Variants in BMPR2 observed in about 807,000 individuals in gnomAD.
BMPR2 encodes the protein bone morphogenetic protein receptor type-2.
In BMPR2, 29 loss-of-function variants were observed where a neutral mutation model predicts 100.8. That is an observed-to-expected ratio of 0.29 (90% CI 0.21 to 0.39). The LOEUF (loss-of-function observed/expected upper bound fraction) is 0.39, where lower values mean the gene tolerates loss of function less well. BMPR2 is among the 10% of genes least tolerant of loss of function. BMPR2 has a pLI of 1.00. For missense variants in BMPR2, 1,011 were observed against 1,274.5 expected (o/e 0.79, Z 3.15); for synonymous variants, 382 against 442.3 (o/e 0.86, Z 1.71).
At chr2:202,515,128 A>G (rs558540275) in intron 5 of BMPR2, 149 bp downstream of exon 5, 20 of 757,606 alleles carry the variant, frequency 2.6e-5, no homozygotes, top group Non-Finnish European at 3.7e-5. Context: ...TCTAGGCACT[A>G]GGAACATAGG....
intron 3 of BMPR2, among the ~76,000 whole-genome samples, chr2:202,487,745 TGA>T (rs908725585): frequency 7.9e-5 from 12 of 152,344 alleles, no homozygotes; most frequent in African/African-American, 1.9e-4. Context: ...GCAGAATTGT[TGA>T]GAGCACTTGA....
At chr2:202,410,001 T>C (rs1314495111) in intron 1 of BMPR2, among the ~76,000 whole-genome samples, 1 of 152,002 alleles carries the variant, frequency 6.6e-6, no homozygotes, top group Non-Finnish European at 1.5e-5. Context: ...TTTTCTTTTT[T>C]TTTGACAGTG....
At position 202,566,181 on chromosome 2, in the gene BMPR2, T is replaced by C. The variant is rs1359846274; in HGVS notation, c.*6235T>C. On this transcript the variant is annotated 3_prime_UTR_variant, in exon 13 of 13. Transcript: ENST00000374580. ...TGGTTTTCAGTTTTAAAAGGCAACA[T>C]GTGGGTTTTATCCATTTTATTTATA... 2.0e-5 allele frequency: 3 copies of C among 152,534 alleles called. No individual in the cohort carries two copies. Among genetic ancestry groups the C allele is most frequent in the Non-Finnish European group, 4.4e-5 (3 of 67,992 alleles). 9.4% of individuals were successfully genotyped at this position (152,534 alleles called of 1,614,324 possible).
At chr2:202,486,839 A>T (rs963471770) in intron 3 of BMPR2, among the ~76,000 whole-genome samples, 7 of 151,668 alleles carry the variant, frequency 4.6e-5, no homozygotes, top group Non-Finnish European at 7.4e-5. Context: ...CAGCCTAGGC[A>T]ATATAGTGAG....
chr2:202,534,011 T>A (rs189063888), intron 9 of BMPR2, among the ~76,000 whole-genome samples: 9 of 152,230 alleles, frequency 5.9e-5, no homozygotes, highest in Admixed American at 2.0e-4. Context: ...GTGGCCACTG[T>A]CTTTTAGGAG....
chr2:202,514,927 A>G lies in BMPR2; in HGVS notation c.569A>G (p.Glu190Gly). Residue 190 changes from glutamate to glycine, a missense_variant, in exon 5 of 13, where the codon GAG (glutamate) becomes GGG (glycine). By Grantham distance (98) the Glu-to-Gly change is moderately conservative. Transcript: ENST00000374580. ...GGTCTTCACAGTATGAACATGATGG[A>G]GGCAGCAGCATCCGAACCCTCTCTT... ...KQGLHSMNMM[E>G]AAASEPSLDL... 2 of 1,614,126 alleles carry G rather than the reference A, an allele frequency of 1.2e-6. No homozygotes were observed. Among genetic ancestry groups the G allele is most frequent in the Non-Finnish European group, 1.7e-6 (2 of 1,180,020 alleles).
intron 1 of BMPR2, among the ~76,000 whole-genome samples, chr2:202,424,959 A>T (rs1479447647): frequency 2.7e-5 from 4 of 145,572 alleles, no homozygotes; most frequent in South Asian, 4.3e-4. Flanking sequence ...TTGAGCAAAC[A>T]TTTTTTTTTT....
chr2:202,557,903 C>G (rs777930931), intron 12 of BMPR2, among the ~76,000 whole-genome samples: 1 of 152,034 alleles, frequency 6.6e-6, no homozygotes, highest in Non-Finnish European at 1.5e-5. Context: ...TAATGTTATA[C>G]CAGTATAATC....
chr2:202,525,081 A>G (rs1687883966), intron 7 of BMPR2, among the ~76,000 whole-genome samples: 1 of 152,172 alleles, frequency 6.6e-6, no homozygotes, highest in South Asian at 2.1e-4. Context: ...CCTCTTAGCT[A>G]GGCTATATTA....
At position 202,556,429 on chromosome 2, in the gene BMPR2, A is replaced by G; in HGVS notation, c.2764A>G (p.Ser922Gly). 6.2e-7 allele frequency: 1 copy of G among 1,614,194 alleles called. No homozygotes were observed. The highest frequency in any genetic ancestry group is 1.1e-5 in the South Asian group (1 of 91,072). The change falls in exon 12 of 13, where the codon AGC (serine) becomes GGC (glycine). Residue 922 changes from serine to glycine, a missense_variant. Transcript: ENST00000374580. ...AGATGTTCTTGCACAGGGTGTTCCA[A>G]GCACAGCAGCAGATCCTGGGCCATC... ...EQDVLAQGVP[S>G]TAADPGPSKP... is the part of the protein sequence containing the mutation.
intron 5 of BMPR2, 97 bp from the exon 6 acceptor site, chr2:202,518,725 A>C: frequency 2.1e-6 from 2 of 952,818 alleles, no homozygotes; most frequent in Non-Finnish European, 3.3e-6. Context: ...AGCAACAGAG[A>C]GCTGTAGCAT....
intron 5 of BMPR2, among the ~76,000 whole-genome samples, chr2:202,517,629 C>T (rs1183365649): frequency 1.3e-5 from 2 of 151,964 alleles, no homozygotes; most frequent in East Asian, 1.9e-4. Context: ...GGATTACAGG[C>T]GTGAGCCACC....
Position 202,530,872 on chromosome 2 carries a change from T to C in BMPR2, c.1046T>C (p.Ile349Thr). Reference protein sequence around the residue: ...VLVKNDGTCVISDFGLSMRLT... With the variant: ...VLVKNDGTCVTSDFGLSMRLT... ...GTGAAAAATGATGGAACCTGTGTTA[T>C]TAGTGACTTTGGACTGTCCATGAGG... Residue 349 changes from isoleucine to threonine, a missense_variant, in exon 8 of 13, where the codon ATT becomes ACT. By Grantham distance (89) the Ile-to-Thr change is moderately conservative (BLOSUM62 -1). This residue lies in a region of BMPR2 where 355 missense variants were observed against 455.3 expected (regional missense o/e 0.78). Transcript: ENST00000374580. The C allele has an allele frequency of 6.2e-7, 1 of 1,614,068 alleles. No individual in the cohort carries two copies. Among genetic ancestry groups the C allele is most frequent in the Non-Finnish European group, 8.5e-7 (1 of 1,179,954 alleles).
intron 1 of BMPR2, among the ~76,000 whole-genome samples, chr2:202,445,428 T>A (rs888255895): frequency 1.2e-4 from 18 of 149,968 alleles, no homozygotes; most frequent in Admixed American, 4.0e-4. Context: ...GGTTTCACCA[T>A]GTTGCCCAAG....
At chr2:202,518,396 C>A (rs937013085) in intron 5 of BMPR2, among the ~76,000 whole-genome samples, 10 of 152,096 alleles carry the variant, frequency 6.6e-5, no homozygotes, top group African/African-American at 2.4e-4. Context: ...CCTCAGCCTC[C>A]CAAAGTGCTG....
At chr2:202,406,082 G>A (rs562443210) in intron 1 of BMPR2, among the ~76,000 whole-genome samples, 5 of 152,282 alleles carry the variant, frequency 3.3e-5, no homozygotes, top group African/African-American at 1.2e-4. Context: ...TCTACCTTCT[G>A]CTTACTGATG....
intron 3 of BMPR2, among the ~76,000 whole-genome samples, chr2:202,506,241 C>G (rs1687518383): frequency 6.6e-6 from 1 of 152,068 alleles, no homozygotes; most frequent in South Asian, 2.1e-4. Flanking sequence ...ACTGCAACCT[C>G]CGCTTCTTGG....
At chr2:202,513,860 T>C in intron 4 of BMPR2, 31 bp downstream of exon 4, 1 of 1,468,696 alleles carries the variant, frequency 6.8e-7, no homozygotes, top group Admixed American at 1.7e-5. Context: ...TCCTATTGTT[T>C]ATTAAACATG....
At chr2:202,386,258 A>G (rs1690424357) in intron 1 of BMPR2, among the ~76,000 whole-genome samples, 1 of 152,176 alleles carries the variant, frequency 6.6e-6, no homozygotes, top group African/African-American at 2.4e-5. Context: ...ATTCTGTTGC[A>G]TGTAGCCAAC....
Sources: allele counts gnomAD v4.1 joint callset (sites outside exome capture counted in the v4.1 genomes callset), GRCh38; gene constraint gnomAD v4.1.1; regional missense constraint gnomAD v4.1.1; transcripts MANE v1.5; gene names NCBI Gene and HGNC (gene_info 2026-07-23, HGNC 2026-07-21).